MYO3A: variants seen among roughly 807,000 people sequenced by gnomAD.
MYO3A encodes the protein myosin-IIIa.
Under a neutral mutation model 192.7 loss-of-function variants are expected in MYO3A, and 180 were observed. The ratio of observed to expected loss-of-function variants is 0.93; its 90% CI spans 0.83 to 1.06. The LOEUF is 1.06. Among genes scored for constraint, MYO3A ranks in the 50% least tolerant of loss-of-function variants. The pLI is 0.00. For missense variants in MYO3A, 1,896 were observed against 1,905.0 expected, an observed-to-expected ratio of 1.00 and a Z score of 0.09; for synonymous variants, 628 against 645.3, an observed-to-expected ratio of 0.97 and a Z score of 0.41.
intron 20 of MYO3A, among the ~76,000 whole-genome samples, chr10:26,133,725 T>C (rs1028108519): frequency 2.0e-5 from 3 of 152,196 alleles, no homozygotes; most frequent in Non-Finnish European, 4.4e-5. Context: ...TCCTGAGTAG[T>C]TGGGGCCACT....
In MYO3A at chr10:26,021,586, G is replaced by A. The variant is rs772748886; in HGVS notation, c.669G>A (p.Leu223=). The part of the protein sequence containing the change: ...TWSLGITAIE[L]GDGDPPLADL... ...CCCTGGGTATCACGGCCATTGAGCT[G>A]GGTGATGGAGATCCTCCACTAGCTG... The change falls in exon 8 of 35, where the codon CTG becomes CTA. Residue 223 remains leucine, a synonymous_variant. Coordinates refer to ENST00000642920, the MANE Select transcript of MYO3A (RefSeq NM_017433.5). 6.2e-7 allele frequency: 1 copy of A among 1,614,080 alleles called. No individual in the cohort carries two copies. Among genetic ancestry groups the A allele is most frequent in the Non-Finnish European group, 8.5e-7 (1 of 1,179,970 alleles).
At chr10:26,019,271 T>A (rs954498597) in intron 7 of MYO3A, among the ~76,000 whole-genome samples, 4 of 144,556 alleles carry the variant, frequency 2.8e-5, no homozygotes, top group African/African-American at 1.0e-4. Context: ...TTATTTATTT[T>A]TTCCTGAGAC....
chr10:26,030,142 C>T (rs914202192), intron 10 of MYO3A, among the ~76,000 whole-genome samples: 3 of 152,146 alleles, frequency 2.0e-5, no homozygotes, highest in Non-Finnish European at 4.4e-5. Flanking sequence ...ACACCTCGGT[C>T]AAGGCCTTCA....
At chr10:26,139,191 A>T (rs996006918) in intron 20 of MYO3A, among the ~76,000 whole-genome samples, 1 of 152,204 alleles carries the variant, frequency 6.6e-6, no homozygotes, top group African/African-American at 2.4e-5. Flanking sequence ...AATCAAAGAA[A>T]TGCAAATACA....
intron 10 of MYO3A, among the ~76,000 whole-genome samples, chr10:26,032,195 G>A (rs1036674824): frequency 5.9e-5 from 9 of 152,140 alleles, no homozygotes; most frequent in Non-Finnish European, 8.8e-5. Context: ...TGTATTTGTG[G>A]TGCTGTTGCA....
At chr10:26,097,425 T>C (rs2131564329) in intron 17 of MYO3A, among the ~76,000 whole-genome samples, 1 of 152,284 alleles carries the variant, frequency 6.6e-6, no homozygotes, top group Non-Finnish European at 1.5e-5. Context: ...CTAGGGTACA[T>C]GTGCACAATG....
At chr10:25,997,099 T>C in intron 5 of MYO3A, 60 bp from the exon 6 acceptor site, 1 of 1,359,310 alleles carries the variant, frequency 7.4e-7, no homozygotes, top group Non-Finnish European at 1.1e-6. Context: ...GTACATCATC[T>C]GAAAATTTTT....
intron 4 of MYO3A, among the ~76,000 whole-genome samples, chr10:25,988,877 T>C (rs564039832): frequency 1.0e-4 from 15 of 148,856 alleles, no homozygotes; most frequent in African/African-American, 3.0e-4. Flanking sequence ...ACTGGAGAAA[T>C]AGGAAGATAA....
intron 4 of MYO3A, among the ~76,000 whole-genome samples, chr10:25,986,352 C>T (rs1198934274): frequency 1.3e-5 from 2 of 152,116 alleles, no homozygotes; most frequent in African/African-American, 2.4e-5. Flanking sequence ...GAATTCCTTG[C>T]CAGAGCAATC....
At chr10:25,984,771 A>G (rs977152453) in intron 4 of MYO3A, among the ~76,000 whole-genome samples, 1 of 152,246 alleles carries the variant, frequency 6.6e-6, no homozygotes, top group Non-Finnish European at 1.5e-5. Context: ...ATGCAAATAC[A>G]TGGAAATTAA....
chr10:26,157,600 A>G, intron 26 of MYO3A, 85 bp downstream of exon 26: 1 of 1,440,612 alleles, frequency 6.9e-7, no homozygotes, highest in South Asian at 1.2e-5. Flanking sequence ...ATATGAAAAA[A>G]TCTTTAGAGG....
At chr10:26,187,688 G>A (rs1446468191) in intron 31 of MYO3A, among the ~76,000 whole-genome samples, 2 of 126,714 alleles carry the variant, frequency 1.6e-5, no homozygotes, top group South Asian at 2.4e-4. Flanking sequence ...TCCCCTTCCT[G>A]TGTCCATGTG....
chr10:26,147,734 A>G (rs887746594), intron 23 of MYO3A, among the ~76,000 whole-genome samples, 175 bp downstream of exon 23: 2 of 152,218 alleles, frequency 1.3e-5, no homozygotes, highest in African/African-American at 4.8e-5. Flanking sequence ...ATAAAAATGA[A>G]TATAAATAAG....
At chr10:26,052,510 A>G (rs1398022813) in intron 10 of MYO3A, among the ~76,000 whole-genome samples, 1 of 152,242 alleles carries the variant, frequency 6.6e-6, no homozygotes, top group Non-Finnish European at 1.5e-5. Context: ...CAAACTGCAG[A>G]TAAATAAAAT....
chr10:26,090,576 T>G (rs1239078463), intron 15 of MYO3A, among the ~76,000 whole-genome samples: 1 of 152,228 alleles, frequency 6.6e-6, no homozygotes, highest in Non-Finnish European at 1.5e-5. Flanking sequence ...ACTTTTTCCA[T>G]TTTTATATCT....
chr10:26,005,169 T>C (rs578140518), intron 6 of MYO3A, among the ~76,000 whole-genome samples: 2 of 152,070 alleles, frequency 1.3e-5, no homozygotes, highest in African/African-American at 2.4e-5. Context: ...ATGAGATGAA[T>C]GCAAACCACA....
At chr10:26,101,765 C>T (rs931907646) in intron 17 of MYO3A, among the ~76,000 whole-genome samples, 18 of 152,182 alleles carry the variant, frequency 1.2e-4, no homozygotes, top group African/African-American at 3.6e-4. Context: ...CCAGGAGATC[C>T]GCTGTTAGTC....
intron 10 of MYO3A, among the ~76,000 whole-genome samples, chr10:26,047,830 A>G (rs1275859349): frequency 1.3e-5 from 2 of 152,098 alleles, no homozygotes; most frequent in African/African-American, 4.8e-5. Flanking sequence ...TACATTTACT[A>G]TTGAGTTCTG....
intron 10 of MYO3A, among the ~76,000 whole-genome samples, chr10:26,038,730 T>A (rs896464664): frequency 4.6e-5 from 7 of 152,194 alleles, no homozygotes; most frequent in Non-Finnish European, 7.4e-5. Context: ...TTATGTTGAA[T>A]AACAGTAGGC....
Sources: allele counts gnomAD v4.1 joint callset (sites outside exome capture counted in the v4.1 genomes callset), GRCh38; gene constraint gnomAD v4.1.1; transcripts MANE v1.5; gene names NCBI Gene and HGNC (gene_info 2026-07-23, HGNC 2026-07-21).